Variants in CIMIP1 observed in about 807,000 individuals in gnomAD.
The protein encoded by CIMIP1 is low in lung cancer 1.
chr20:58,160,896 G>T, the CIMIP1 span: 3 of 1,507,828 alleles, frequency 2.0e-6, no homozygotes, highest in South Asian at 2.5e-5. Flanking sequence ...GGGAAAGGAA[G>T]AGCTCCCCTG....
At chr20:58,159,041 A>G in the CIMIP1 span, among the ~76,000 whole-genome samples, 2 of 152,222 alleles carry the variant, frequency 1.3e-5, no homozygotes, top group Non-Finnish European at 2.9e-5. Flanking sequence ...GCTTATGTCC[A>G]ATTGTTTGCT....
chr20:58,156,756 T>G, the CIMIP1 span, among the ~76,000 whole-genome samples: 1 of 152,266 alleles, frequency 6.6e-6, no homozygotes, highest in African/African-American at 2.4e-5. Flanking sequence ...TTGAGCTCCA[T>G]ATGTCTCATG....
chr20:58,155,144 C>T, the CIMIP1 span, among the ~76,000 whole-genome samples: 9 of 152,326 alleles, frequency 5.9e-5, no homozygotes, highest in East Asian at 1.9e-4. Context: ...TAACTGGTAA[C>T]GTTTTCTCAA....
the CIMIP1 span, among the ~76,000 whole-genome samples, chr20:58,154,306 T>C: frequency 1.3e-5 from 2 of 152,326 alleles, no homozygotes; most frequent in South Asian, 2.1e-4. Context: ...AGTGAAACCA[T>C]ATGGGAAAGC....
the CIMIP1 span, among the ~76,000 whole-genome samples, chr20:58,151,719 T>A: frequency 1.3e-5 from 2 of 152,152 alleles, no homozygotes; most frequent in African/African-American, 4.8e-5. Flanking sequence ...GGCCAAATTT[T>A]TTTTTAAAAA....
chr20:58,158,062 G>C, the CIMIP1 span, among the ~76,000 whole-genome samples: 1 of 152,212 alleles, frequency 6.6e-6, no homozygotes, highest in Non-Finnish European at 1.5e-5. Context: ...GGGCCCCTGG[G>C]CCTGCTCTGC....
chr20:58,153,540 T>G, the CIMIP1 span: 2 of 1,613,954 alleles, frequency 1.2e-6, no homozygotes, highest in Non-Finnish European at 1.7e-6. Context: ...ACTTTCTTTT[T>G]CAGGAAATAC....
chr20:58,153,650 A>G, the CIMIP1 span: 2 of 1,447,176 alleles, frequency 1.4e-6, no homozygotes, highest in Admixed American at 1.7e-5. Flanking sequence ...TATGAGCCCC[A>G]AGGTTACAGA....
chr20:58,151,301 C>T, the CIMIP1 span, among the ~76,000 whole-genome samples: 1 of 151,602 alleles, frequency 6.6e-6, no homozygotes, highest in Non-Finnish European at 1.5e-5. Context: ...CAACAATCAG[C>T]AGAGATTGGC....
chr20:58,151,849 T>G, the CIMIP1 span, among the ~76,000 whole-genome samples: 23 of 152,354 alleles, frequency 1.5e-4, 1 homozygote, highest in African/African-American at 5.3e-4. Context: ...TTCTAAAAGA[T>G]GTATGTCTAG....
the CIMIP1 span, among the ~76,000 whole-genome samples, chr20:58,152,722 CAAA>C: frequency 0.014 from 1,175 of 84,878 alleles, 20 homozygotes; most frequent in African/African-American, 0.046. Flanking sequence ...GAAACTCCAT[CAAA>C]AAAAAAAAAA....
the CIMIP1 span, among the ~76,000 whole-genome samples, chr20:58,153,996 C>T: frequency 6.6e-6 from 1 of 152,240 alleles, no homozygotes; most frequent in Non-Finnish European, 1.5e-5. Context: ...CACCTGACCT[C>T]AGACTTCCCA....
chr20:58,158,673 T>C, the CIMIP1 span, among the ~76,000 whole-genome samples: 1 of 151,964 alleles, frequency 6.6e-6, no homozygotes, highest in South Asian at 2.1e-4. Flanking sequence ...TGGTAGCTGG[T>C]TTCCTTCTTC....
the CIMIP1 span, among the ~76,000 whole-genome samples, chr20:58,153,217 C>T: frequency 6.6e-6 from 1 of 152,286 alleles, no homozygotes; most frequent in Non-Finnish European, 1.5e-5. Flanking sequence ...TTTTGCACCT[C>T]CTCAAATTTT....
chr20:58,155,555 GAGA>G, the CIMIP1 span: 1 of 1,614,008 alleles, frequency 6.2e-7, no homozygotes, highest in South Asian at 1.1e-5. Flanking sequence ...GACCCCAGTG[GAGA>G]AGTACATCAA....
chr20:58,157,028 A>G, the CIMIP1 span, among the ~76,000 whole-genome samples: 544 of 152,332 alleles, frequency 3.6e-3, 1 homozygote, highest in Admixed American at 6.9e-3. Flanking sequence ...TTTTTACCCC[A>G]AATATAAAGC....
At chr20:58,159,756 G>C in the CIMIP1 span, among the ~76,000 whole-genome samples, 8 of 152,174 alleles carry the variant, frequency 5.3e-5, no homozygotes, top group Non-Finnish European at 1.0e-4. Context: ...AATTTTACTT[G>C]TAGCTGGTTC....
the CIMIP1 span, chr20:58,150,938 G>A: frequency 4.2e-5 from 66 of 1,588,856 alleles, 1 homozygote; most frequent in South Asian, 7.1e-4. Context: ...GCCAGAGCTT[G>A]CGGGGCGCAC....
At chr20:58,159,183 C>CT in the CIMIP1 span, among the ~76,000 whole-genome samples, 2,721 of 103,972 alleles carry the variant, frequency 0.026, 104 homozygotes, top group African/African-American at 0.031. Context: ...GCACTTTCTT[C>CT]TTTTTTTTTT....
Sources: allele counts gnomAD v4.1 joint callset (sites outside exome capture counted in the v4.1 genomes callset), GRCh38; gene constraint gnomAD v4.1.1; transcripts MANE v1.5; gene names NCBI Gene and HGNC (gene_info 2026-07-23, HGNC 2026-07-21).